Variants in ELOVL6 observed in about 807,000 individuals in gnomAD.
The protein encoded by ELOVL6 is very long chain fatty acid elongase 6.
A neutral mutation model predicts 31.7 loss-of-function variants in ELOVL6; 8 were observed. That is an observed-to-expected ratio of 0.25 (90% CI 0.15 to 0.45). The LOEUF is 0.45. ELOVL6 is among the 20% of genes least tolerant of loss of function. ELOVL6 has a pLI of 1.00. For missense variants in ELOVL6, 126 were observed against 326.4 expected (o/e 0.39, Z 4.73); for synonymous variants, 101 against 117.7 (o/e 0.86, Z 0.92).
chr4:110,093,443 C>G (rs1036482163), intron 2 of ELOVL6, among the ~76,000 whole-genome samples: 5 of 152,298 alleles, frequency 3.3e-5, no homozygotes, highest in Non-Finnish European at 7.3e-5. Context: ...ATAAGGTTAT[C>G]AAGTCAACCA....
chr4:110,121,015 G>A (rs1423817717), intron 1 of ELOVL6, among the ~76,000 whole-genome samples: 2 of 151,910 alleles, frequency 1.3e-5, no homozygotes, highest in Non-Finnish European at 2.9e-5. Context: ...TGGCCAGGCT[G>A]GTCTCGAACT....
chr4:110,131,086 G>A (rs1274189155), intron 1 of ELOVL6, among the ~76,000 whole-genome samples: 2 of 152,148 alleles, frequency 1.3e-5, no homozygotes, highest in African/African-American at 4.8e-5. Flanking sequence ...TACATGTAAG[G>A]TCTGCACCTT....
chr4:110,084,236 C>CAT (rs1282169982), intron 2 of ELOVL6, among the ~76,000 whole-genome samples: 1 of 102,906 alleles, frequency 9.7e-6, no homozygotes, highest in Non-Finnish European at 1.7e-5. Flanking sequence ...ATATATATAA[C>CAT]ATATATGATA....
intron 2 of ELOVL6, among the ~76,000 whole-genome samples, chr4:110,084,146 G>GTTATATATC (rs1560814245): frequency 1.5e-5 from 1 of 64,770 alleles, no homozygotes; most frequent in African/African-American, 1.1e-4. Context: ...TGATATATAT[G>GTTATATATC]ATATATATAA....
At chr4:110,172,966 C>A (rs1392790898) in intron 1 of ELOVL6, among the ~76,000 whole-genome samples, 3 of 152,162 alleles carry the variant, frequency 2.0e-5, no homozygotes. Context: ...AGACACACTG[C>A]ATATGCCTAT....
chr4:110,093,816 A>G (rs904223747), intron 2 of ELOVL6, among the ~76,000 whole-genome samples: 1 of 152,158 alleles, frequency 6.6e-6, no homozygotes, highest in African/African-American at 2.4e-5. Context: ...GGAATATGAC[A>G]GGCGTTAAAG....
intron 1 of ELOVL6, among the ~76,000 whole-genome samples, chr4:110,171,998 C>G (rs1217694043): frequency 2.6e-5 from 4 of 152,084 alleles, no homozygotes; most frequent in African/African-American, 9.7e-5. Flanking sequence ...CTTATAACAT[C>G]CTTTATAATA....
Position 110,050,847 on chromosome 4 carries a change from T to C in ELOVL6, c.*491A>G, listed in dbSNP as rs1241837203. 6.2e-6 allele frequency: 1 copy of C among 160,932 alleles called. No homozygotes were observed. Among genetic ancestry groups the C allele is most frequent in the African/African-American group, 2.4e-5 (1 of 41,506 alleles). 10.0% of individuals were successfully genotyped at this position (160,932 alleles called of 1,614,324 possible). A position where few individuals can be genotyped will look rare whatever the true frequency, so the allele number is the denominator to read the frequency against. On this transcript the variant is annotated 3_prime_UTR_variant, in exon 4 of 4. Transcript: ENST00000302274. The stretch of plus-strand genomic sequence containing the variant: ...TGCAAAAGCATTATCGTTCTAGATA[T>C]ACACCCTGTGTCTCTTTCATTTTTG...
At position 110,058,707 on chromosome 4, in the gene ELOVL6, A is replaced by G. The variant is rs185247271; in HGVS notation, c.373+896T>C. Among the ~76,000 whole-genome samples, 460 of 152,290 alleles carry G rather than the reference A, an allele frequency of 3.0e-3. 3 individuals carry two copies. Among genetic ancestry groups the G allele is most frequent in the Non-Finnish European group, 4.8e-3 (329 of 68,008 alleles). On this transcript the variant is annotated intron_variant, in intron 3 of 3. Coordinates refer to ENST00000302274, the MANE Select transcript of ELOVL6 (RefSeq NM_024090.3). ...TGCAAAAGTTAACTGCGGTTTTGCC[A>G]TTGAAAACAATGGCAAAAATTGCAA...
intron 2 of ELOVL6, among the ~76,000 whole-genome samples, chr4:110,094,501 A>G (rs1335347049): frequency 1.4e-5 from 2 of 140,928 alleles, no homozygotes; most frequent in Admixed American, 1.5e-4. Context: ...ATATATAATT[A>G]TATATACATA....
chr4:110,053,635 T>C lies in ELOVL6; in HGVS notation c.374-1873A>G, dbSNP rs554615992. Among the ~76,000 whole-genome samples, 8 of 152,078 alleles carry C rather than the reference T, an allele frequency of 5.3e-5. No homozygotes were observed. In the South Asian group the frequency reaches 1.5e-3, roughly 28 times the overall value. ...GCCTGGCCAACATGGCGAAACCCCA[T>C]CTCTACTAAAAATACAAAAATTAGG... On this transcript the variant is annotated intron_variant, in intron 3 of 3. Coordinates refer to ENST00000302274, the MANE Select transcript of ELOVL6 (RefSeq NM_024090.3).
chr4:110,066,033 G>C (rs1755289431), intron 2 of ELOVL6, among the ~76,000 whole-genome samples: 1 of 152,054 alleles, frequency 6.6e-6, no homozygotes. Flanking sequence ...TACTTTCCCA[G>C]TATTAGGCAA....
At chr4:110,138,448 C>G (rs1391010326) in intron 1 of ELOVL6, among the ~76,000 whole-genome samples, 1 of 152,060 alleles carries the variant, frequency 6.6e-6, no homozygotes, top group Non-Finnish European at 1.5e-5. Flanking sequence ...CACTAATCAA[C>G]AAATTAATAG....
intron 1 of ELOVL6, among the ~76,000 whole-genome samples, chr4:110,141,745 T>C (rs937354941): frequency 5.1e-5 from 7 of 136,844 alleles, no homozygotes; most frequent in African/African-American, 2.0e-4. Context: ...ATTGTATTTA[T>C]ATATATAGTA....
At chr4:110,064,110 A>AG (rs34843041) in intron 2 of ELOVL6, among the ~76,000 whole-genome samples, 7,876 of 151,586 alleles carry the variant, frequency 0.052, 526 homozygotes, top group African/African-American at 0.16. Flanking sequence ...AAAGAAAGAA[A>AG]AAGAAATATA....
intron 1 of ELOVL6, among the ~76,000 whole-genome samples, chr4:110,140,626 A>G (rs1257248033): frequency 2.0e-5 from 3 of 151,962 alleles, no homozygotes; most frequent in Admixed American, 2.0e-4. Flanking sequence ...AAGAGATAAT[A>G]CTTTTTATGA....
chr4:110,197,916 C>G, intron 1 of ELOVL6: 1 of 354,068 alleles, frequency 2.8e-6, no homozygotes, highest in Non-Finnish European at 5.2e-6. Flanking sequence ...GAGGGGAGCA[C>G]AGGTAGGCGA....
chr4:110,125,375 G>A (rs1757463875), intron 1 of ELOVL6, among the ~76,000 whole-genome samples: 1 of 152,048 alleles, frequency 6.6e-6, no homozygotes, highest in Non-Finnish European at 1.5e-5. Flanking sequence ...ATTTCCCTAC[G>A]TGTTTCCAGA....
chr4:110,167,490 GT>G (rs990053728), intron 1 of ELOVL6, among the ~76,000 whole-genome samples: 33 of 151,926 alleles, frequency 2.2e-4, no homozygotes, highest in African/African-American at 8.0e-4. Context: ...ACTAAAGGAT[GT>G]TTTTTTGGTT....
Sources: gnomAD v4.1 joint callset for allele counts (sites outside exome capture counted in the v4.1 genomes callset) on GRCh38, gnomAD v4.1.1 for gene constraint, MANE v1.5 for transcripts, NCBI Gene and HGNC (gene_info 2026-07-23, HGNC 2026-07-21) for gene names.